RBM47: variants seen among roughly 807,000 people sequenced by gnomAD.
RBM47 encodes RNA-binding protein 47.
RBM47 carries 21 observed loss-of-function variants against 47.1 expected under a neutral mutation model. That is an observed-to-expected ratio of 0.45 (90% confidence interval 0.32 to 0.64). The LOEUF (loss-of-function observed/expected upper bound fraction) is 0.64. Among genes scored for constraint, RBM47 ranks in the 30% least tolerant of loss-of-function variants. The pLI, the probability that RBM47 is intolerant of heterozygous loss-of-function variation, is 0.05. For missense variants in RBM47, 708 were observed against 870.9 expected, an observed-to-expected ratio of 0.81 and a Z score of 2.35; for synonymous variants, 375 against 361.7, an observed-to-expected ratio of 1.04 and a Z score of -0.42.
Position 40,434,011 on chromosome 4 carries a change from G to A in RBM47, c.1331-1149C>T, listed in dbSNP as rs1444543825. Among the ~76,000 whole-genome samples, 137 of 107,780 alleles carry A rather than the reference G, an allele frequency of 1.3e-3. 24 individuals are homozygous for A. The highest frequency in any genetic ancestry group is 1.6e-3 in the Admixed American group (17 of 10,952). 70.7% of individuals were successfully genotyped at this position (107,780 alleles called of 152,430 possible). On this transcript the variant is annotated intron_variant, in intron 5 of 6. Coordinates refer to ENST00000295971, the MANE Select transcript of RBM47 (RefSeq NM_001098634.2). ...GTGTGTGTGGGGCGGGGGTGTGTGT[G>A]TGTGTGTGTGTGTGTGTGTGTGTGT...
chr4:40,618,808 CAAAAAAAAA>C (rs35543412), intron 1 of RBM47, among the ~76,000 whole-genome samples: 2 of 27,594 alleles, frequency 7.2e-5, no homozygotes, highest in East Asian at 1.3e-3. Flanking sequence ...GACTCCATCT[CAAAAAAAAA>C]AAAAAAAAAA....
chr4:40,437,899 C>T lies in RBM47; in HGVS notation c.995G>A (p.Arg332Lys), dbSNP rs1712932040. ...EQYSRYQKAARGGGAAEAAQQ... is the reference protein window; with the variant it reads ...EQYSRYQKAAKGGGAAEAAQQ... ...CGCTGCCTCAGCCGCGCCGCCGCCCCTGGCTGCCTTCTGGTAGCGCGAGTA... is the reference window on the plus strand; with the variant it reads ...CGCTGCCTCAGCCGCGCCGCCGCCCTTGGCTGCCTTCTGGTAGCGCGAGTA... Residue 332 changes from arginine to lysine, a missense_variant, in exon 4 of 7, where the codon AGG (arginine) becomes AAG (lysine). Physicochemically the swap from Arg to Lys is conservative, Grantham distance 26. Transcript: ENST00000295971. 1 of 1,613,976 alleles carries T rather than the reference C, an allele frequency of 6.2e-7. No homozygotes were observed. The highest frequency in any genetic ancestry group is 8.5e-7 in the Non-Finnish European group (1 of 1,180,018).
intron 1 of RBM47, among the ~76,000 whole-genome samples, chr4:40,569,097 G>C (rs35792353): frequency 0.043 from 6,484 of 151,912 alleles, 465 homozygotes; most frequent in African/African-American, 0.15. Flanking sequence ...AATCATAGAA[G>C]TCAAATTATT....
chr4:40,556,101 T>A (rs527556318), intron 1 of RBM47, among the ~76,000 whole-genome samples: 1 of 151,572 alleles, frequency 6.6e-6, no homozygotes, highest in South Asian at 2.1e-4. Context: ...GGTGGCGTGA[T>A]CTTGGCTCAC....
chr4:40,516,057 G>A (rs1725528117), intron 2 of RBM47: 1 of 150,752 alleles, frequency 6.6e-6, no homozygotes, highest in South Asian at 2.1e-4. Context: ...CCGCCCCCCA[G>A]CCCTGCCTGT....
chr4:40,520,456 C>A (rs1726091108), intron 2 of RBM47, among the ~76,000 whole-genome samples: 1 of 151,094 alleles, frequency 6.6e-6, no homozygotes, highest in African/African-American at 2.5e-5. Flanking sequence ...CAGGCCTATT[C>A]CAAAGCATCT....
chr4:40,504,340 GAGTGCAGT>G (rs1304776158), intron 2 of RBM47, among the ~76,000 whole-genome samples: 1 of 143,914 alleles, frequency 6.9e-6, no homozygotes, highest in African/African-American at 2.6e-5. Flanking sequence ...ACCCAGTCTA[GAGTGCAGT>G]AGTGCAATCT....
At chr4:40,522,567 G>C (rs1466476261) in intron 2 of RBM47, among the ~76,000 whole-genome samples, 1 of 152,076 alleles carries the variant, frequency 6.6e-6, no homozygotes, top group Non-Finnish European at 1.5e-5. Context: ...TAGTATCAAA[G>C]AAGAATGTTC....
intron 2 of RBM47, among the ~76,000 whole-genome samples, chr4:40,488,033 AGAGAG>A (rs2154244798): frequency 1.3e-5 from 2 of 152,166 alleles, no homozygotes; most frequent in African/African-American, 4.8e-5. Flanking sequence ...AAAGAAAGAG[AGAGAG>A]AGGCTGGGCA....
At chr4:40,468,542 C>T (rs1718393249) in intron 2 of RBM47, among the ~76,000 whole-genome samples, 1 of 152,152 alleles carries the variant, frequency 6.6e-6, no homozygotes, top group South Asian at 2.1e-4. Context: ...ACCTTTAGGA[C>T]TCCATAGAGC....
chr4:40,600,496 T>G (rs529764288), intron 1 of RBM47, among the ~76,000 whole-genome samples: 1 of 149,968 alleles, frequency 6.7e-6, no homozygotes, highest in African/African-American at 2.5e-5. Flanking sequence ...TAGCCGGGTG[T>G]GGTGGCGGGC....
At chr4:40,437,601 G>A (rs563346119) in intron 4 of RBM47, among the ~76,000 whole-genome samples, 170 bp downstream of exon 4, 2 of 152,244 alleles carry the variant, frequency 1.3e-5, no homozygotes, top group Admixed American at 6.5e-5. Context: ...CATAAGTGAC[G>A]GCCTTCGGTG....
chr4:40,436,929 C>G, intron 4 of RBM47: 1 of 510,408 alleles, frequency 2.0e-6, no homozygotes. Context: ...TACCCACCAC[C>G]CCCTCCCCCC....
intron 3 of RBM47, among the ~76,000 whole-genome samples, chr4:40,459,695 G>A (rs278949): frequency 0.71 from 107,467 of 152,184 alleles, 38,948 homozygotes; most frequent in African/African-American, 0.88. Context: ...GAGCCCATCA[G>A]AGAATGAATA....
intron 2 of RBM47, among the ~76,000 whole-genome samples, chr4:40,499,697 C>T (rs752891935): frequency 1.8e-4 from 28 of 152,136 alleles, no homozygotes; most frequent in Non-Finnish European, 8.8e-5. Context: ...CATGAGGCAC[C>T]GCGCTCAGCC....
At chr4:40,518,280 A>G (rs3105206) in intron 2 of RBM47, among the ~76,000 whole-genome samples, 80,460 of 147,804 alleles carry the variant, frequency 0.54, 25,049 homozygotes, top group African/African-American at 0.88. Context: ...GGGTTCAAGC[A>G]ATTCTCCTGC....
Position 40,423,668 on chromosome 4 carries a change from CTTTCTTTCT to C in RBM47, c.*2227_*2235del, listed in dbSNP as rs1248052468. 5 of 84,218 alleles carry C rather than the reference CTTTCTTTCT, an allele frequency of 5.9e-5. No individual in the cohort carries two copies. The highest frequency in any genetic ancestry group is 1.1e-4 in the Non-Finnish European group (5 of 45,438). The allele number at this position is 84,218 out of a possible 1,614,324, so 5.2% of individuals were successfully genotyped here. A position where few individuals can be genotyped will look rare whatever the true frequency, so the allele number is the denominator to read the frequency against. On this transcript the variant is annotated 3_prime_UTR_variant, in exon 7 of 7. Transcript: ENST00000295971. ...TTTCTTTCTTTTTCTTTCTTTCTTT[CTTTCTTTCT>C]TTCTTTCTTTCTTTCTTTCTTTCTT... is the stretch of plus-strand genomic sequence containing the variant.
chr4:40,503,295 C>A (rs1322348839), intron 2 of RBM47, among the ~76,000 whole-genome samples: 1 of 152,100 alleles, frequency 6.6e-6, no homozygotes, highest in African/African-American at 2.4e-5. Flanking sequence ...TGCTGATGGC[C>A]ATTAGTAGGT....
intron 1 of RBM47, among the ~76,000 whole-genome samples, chr4:40,615,379 G>A (rs938644011): frequency 1.3e-5 from 2 of 152,162 alleles, no homozygotes; most frequent in Admixed American, 1.3e-4. Flanking sequence ...GGAGGTCAAG[G>A]CTGCAGTGAG....
Sources: gnomAD v4.1 joint callset for allele counts (sites outside exome capture counted in the v4.1 genomes callset) on GRCh38, gnomAD v4.1.1 for gene constraint, MANE v1.5 for transcripts, NCBI Gene and HGNC (gene_info 2026-07-23, HGNC 2026-07-21) for gene names.